The following SH2D4B variants were observed in gnomAD, a reference collection of about 807,000 sequenced individuals.
SH2D4B encodes SH2 domain containing 4B.
Under a neutral mutation model 61.5 loss-of-function variants are expected in SH2D4B, and 45 were observed. The ratio of observed to expected loss-of-function variants is 0.73; its 90% CI spans 0.58 to 0.94. SH2D4B has a LOEUF of 0.94. SH2D4B is among the 40% of genes least tolerant of loss of function. The probability of loss-of-function intolerance (pLI) is 0.00; values close to 1 mark genes in which losing one functional copy is unlikely to be tolerated. For synonymous variants in SH2D4B, 224 were observed against 220.4 expected, an observed-to-expected ratio of 1.02 and a Z score of -0.14; for missense variants, 572 against 574.2, an observed-to-expected ratio of 1.00 and a Z score of 0.04.
intron 6 of SH2D4B, among the ~76,000 whole-genome samples, chr10:80,610,495 A>T (rs1033843616): frequency 6.6e-6 from 1 of 152,162 alleles, no homozygotes; most frequent in Non-Finnish European, 1.5e-5. Flanking sequence ...GCTTCTCTGC[A>T]TTGAAAATCC....
chr10:80,584,678 G>A (rs1031435841), intron 3 of SH2D4B, among the ~76,000 whole-genome samples: 6 of 152,164 alleles, frequency 3.9e-5, no homozygotes, highest in Admixed American at 2.0e-4. Flanking sequence ...GATGAAAATA[G>A]CACCCTATTT....
At chr10:80,597,925 G>A (rs1489937833) in intron 4 of SH2D4B, among the ~76,000 whole-genome samples, 1 of 152,132 alleles carries the variant, frequency 6.6e-6, no homozygotes, top group Non-Finnish European at 1.5e-5. Context: ...AATGAGGCTT[G>A]AAAGATAAGA....
rs147190952 is a variant in SH2D4B at position 80,639,289 on chromosome 10, A to C, written c.1210-4704A>C. Among the ~76,000 whole-genome samples, 1,491 of 152,276 alleles carry C rather than the reference A, an allele frequency of 9.8e-3. 12 individuals are homozygous for C. The highest frequency in any genetic ancestry group is 0.015 in the Non-Finnish European group (1,015 of 68,022). On this transcript the variant is annotated intron_variant, in intron 7 of 7. Transcript: ENST00000646907. ...TGATTTGGGATGGAGAGTTCTGTAG[A>C]TGTCTATTAGGCCTGCTTGGTGCAG...
chr10:80,589,256 G>A (rs1210889846), intron 4 of SH2D4B, among the ~76,000 whole-genome samples: 9 of 152,140 alleles, frequency 5.9e-5, no homozygotes, highest in Non-Finnish European at 1.0e-4. Context: ...CACCTGCCTC[G>A]GCCTCCCAAA....
intron 1 of SH2D4B, among the ~76,000 whole-genome samples, chr10:80,550,516 C>T (rs1227519236): frequency 3.3e-5 from 5 of 152,052 alleles, no homozygotes; most frequent in Non-Finnish European, 7.4e-5. Flanking sequence ...ATGGCGTGAA[C>T]CCAGGAGGTG....
intron 1 of SH2D4B, among the ~76,000 whole-genome samples, chr10:80,551,289 C>T (rs918201538): frequency 2.6e-5 from 4 of 151,834 alleles, no homozygotes; most frequent in South Asian, 2.1e-4. Flanking sequence ...CTCCTGACCT[C>T]GTGATCTGCC....
In SH2D4B at chr10:80,571,486, A is replaced by G. The variant is rs1187550997; in HGVS notation, c.403A>G (p.Lys135Glu). The part of the protein sequence containing the change: ...KKFRDALANE[K>E]ARILAEKWKV... ...GTTCCGGGATGCTCTGGCCAATGAG[A>G]AAGCCCGGATCTTGGCGGAGAAGTG... Residue 135 changes from lysine (K) to glutamate (E), a missense_variant, in exon 3 of 8, where the codon AAA (lysine) becomes GAA (glutamate). By Grantham distance (56) the Lys-to-Glu change is moderately conservative (BLOSUM62 1). Coordinates refer to ENST00000646907, the MANE Select transcript of SH2D4B (RefSeq NM_001388272.1). 1 of 1,614,182 alleles carries G rather than the reference A, an allele frequency of 6.2e-7. No homozygotes were observed. Among genetic ancestry groups the G allele is most frequent in the Admixed American group, 1.7e-5 (1 of 60,026 alleles).
chr10:80,588,792 T>C lies in SH2D4B; in HGVS notation c.643+15T>C. 6.2e-7 allele frequency: 1 copy of C among 1,613,534 alleles called. No individual in the cohort carries two copies. Among genetic ancestry groups the C allele is most frequent in the Non-Finnish European group, 8.5e-7 (1 of 1,179,924 alleles). On this transcript the variant is annotated intron_variant, in intron 4 of 7. Transcript: ENST00000646907. ...GGAAGAACAGTGTGAGTAGAGCTTG[T>C]GCCTCAGGCAGGGAGACCAGTCCCG...
chr10:80,617,886 C>T (rs1842677675), intron 6 of SH2D4B, among the ~76,000 whole-genome samples: 1 of 152,214 alleles, frequency 6.6e-6, no homozygotes, highest in South Asian at 2.1e-4. Context: ...CTCTCAACAG[C>T]CCCAGTATTA....
chr10:80,546,914 GA>G (rs1319308687), intron 1 of SH2D4B, among the ~76,000 whole-genome samples: 2 of 152,220 alleles, frequency 1.3e-5, no homozygotes, highest in Non-Finnish European at 2.9e-5. Context: ...CTGAAGATGA[GA>G]AACATAAGCC....
intron 1 of SH2D4B, among the ~76,000 whole-genome samples, chr10:80,547,785 A>G (rs1841702453): frequency 6.6e-6 from 1 of 152,186 alleles, no homozygotes; most frequent in Admixed American, 6.5e-5. Flanking sequence ...CCAGAGCCCT[A>G]TGGAGGACAC....
At chr10:80,619,060 C>T (rs574756003) in intron 6 of SH2D4B, among the ~76,000 whole-genome samples, 3 of 152,278 alleles carry the variant, frequency 2.0e-5, no homozygotes, top group African/African-American at 7.2e-5. Context: ...GTTGTTGGTG[C>T]TATCTGAGAA....
intron 7 of SH2D4B, among the ~76,000 whole-genome samples, chr10:80,639,172 CTT>C (rs1258941720): frequency 2.0e-4 from 30 of 152,272 alleles, no homozygotes; most frequent in Non-Finnish European, 3.1e-4. Context: ...GATTTCTGTT[CTT>C]TTACATTTGC....
chr10:80,570,392 G>A (rs1036359984), intron 2 of SH2D4B, 76 bp downstream of exon 2: 60 of 1,518,086 alleles, frequency 4.0e-5, no homozygotes, highest in African/African-American at 6.9e-5. Flanking sequence ...GCTAATTTTT[G>A]TATTTTTAGT....
chr10:80,640,849 A>G (rs1001731735), intron 7 of SH2D4B, among the ~76,000 whole-genome samples: 6 of 152,176 alleles, frequency 3.9e-5, no homozygotes, highest in Non-Finnish European at 8.8e-5. Flanking sequence ...AGGAGCTGCG[A>G]TCCTTTAGAG....
At chr10:80,555,057 A>AG (rs564309644) in intron 1 of SH2D4B, among the ~76,000 whole-genome samples, 107 of 152,116 alleles carry the variant, frequency 7.0e-4, no homozygotes, top group Admixed American at 2.1e-3. Flanking sequence ...GTAAAACCTA[A>AG]GCAACTAGGC....
At chr10:80,610,952 C>A (rs950445528) in intron 6 of SH2D4B, among the ~76,000 whole-genome samples, 4 of 152,034 alleles carry the variant, frequency 2.6e-5, no homozygotes, top group African/African-American at 9.7e-5. Flanking sequence ...AGGAGGATCA[C>A]TTGAGGTCAG....
At chr10:80,613,805 T>A (rs1477642752) in intron 6 of SH2D4B, among the ~76,000 whole-genome samples, 1 of 152,214 alleles carries the variant, frequency 6.6e-6, no homozygotes, top group Non-Finnish European at 1.5e-5. Context: ...TCTTCCCACC[T>A]GCTTCCACTG....
intron 6 of SH2D4B, among the ~76,000 whole-genome samples, chr10:80,613,229 G>A (rs564026917): frequency 1.2e-4 from 18 of 152,274 alleles, no homozygotes; most frequent in Non-Finnish European, 2.1e-4. Flanking sequence ...TTTGTTCATT[G>A]TTATGTTCCA....
Sources: gnomAD v4.1 joint callset for allele counts (sites outside exome capture counted in the v4.1 genomes callset) on GRCh38, gnomAD v4.1.1 for gene constraint, MANE v1.5 for transcripts, NCBI Gene and HGNC (gene_info 2026-07-23, HGNC 2026-07-21) for gene names.